Variants in FOXN3 observed in about 807,000 individuals in gnomAD.
FOXN3 encodes the protein forkhead box N3.
In FOXN3, 7 loss-of-function variants were observed where a neutral mutation model predicts 38.4. The observed-to-expected ratio is 0.18, with a 90% CI of 0.10 to 0.34. The LOEUF (loss-of-function observed/expected upper bound fraction) is 0.34, where lower values mean the gene tolerates loss of function less well. FOXN3 is among the 10% of genes least tolerant of loss of function. FOXN3 has a pLI of 1.00. For missense variants in FOXN3, 456 were observed against 613.4 expected (o/e 0.74, Z 2.71); for synonymous variants, 230 against 242.2 (o/e 0.95, Z 0.47).
At chr14:89,590,566 C>G (rs1345237772) in intron 1 of FOXN3, among the ~76,000 whole-genome samples, 1 of 152,058 alleles carries the variant, frequency 6.6e-6, no homozygotes, top group African/African-American at 2.4e-5. Context: ...CTAGTTGGGG[C>G]TCAGGAAACA....
intron 1 of FOXN3, among the ~76,000 whole-genome samples, chr14:89,590,469 T>C (rs1895927040): frequency 6.6e-6 from 1 of 152,120 alleles, no homozygotes; most frequent in Non-Finnish European, 1.5e-5. Context: ...ATCAAATGCA[T>C]TCACCCCACT....
intron 1 of FOXN3, among the ~76,000 whole-genome samples, chr14:89,509,039 A>AC (rs1418218478): frequency 6.6e-6 from 1 of 151,162 alleles, no homozygotes; most frequent in African/African-American, 2.4e-5. Context: ...CCTCCGCTCT[A>AC]CCCCCACTGA....
intron 2 of FOXN3, chr14:89,401,640 CG>C (rs1566641742): frequency 2.2e-6 from 1 of 455,960 alleles, no homozygotes; most frequent in Non-Finnish European, 4.4e-6. Context: ...ACTATAGCCA[CG>C]ATTAGAGTCA....
At chr14:89,220,439 T>C (rs535974839) in intron 4 of FOXN3, among the ~76,000 whole-genome samples, 10 of 152,300 alleles carry the variant, frequency 6.6e-5, no homozygotes, top group African/African-American at 2.4e-4. Context: ...CATCTTCAGA[T>C]CTAAATGATA....
chr14:89,510,352 G>A (rs935332874), intron 1 of FOXN3, among the ~76,000 whole-genome samples: 3 of 152,208 alleles, frequency 2.0e-5, no homozygotes, highest in African/African-American at 7.2e-5. Flanking sequence ...GAGGGATTCT[G>A]AATAAATCTT....
intron 4 of FOXN3, among the ~76,000 whole-genome samples, chr14:89,260,634 T>C (rs1202566332): frequency 3.9e-5 from 6 of 152,182 alleles, no homozygotes; most frequent in East Asian, 1.9e-4. Flanking sequence ...AGGATATGGA[T>C]TGTATTTATT....
At chr14:89,348,709 G>A (rs1316079375) in intron 3 of FOXN3, among the ~76,000 whole-genome samples, 2 of 152,098 alleles carry the variant, frequency 1.3e-5, no homozygotes, top group African/African-American at 4.8e-5. Context: ...GTGACGGAGT[G>A]GGGTCTGAAA....
chr14:89,380,164 G>A lies in FOXN3; in HGVS notation c.544-29356C>T, dbSNP rs143041559. On this transcript the variant is annotated intron_variant, in intron 2 of 5. Coordinates refer to ENST00000557258, the MANE Select transcript of FOXN3 (RefSeq NM_005197.4). Reference sequence around the variant, plus strand: ...GGAAGTAATTGAATCATAGGGGCACGTACTGTTCTGTGATAGTGAATATGT... The same window carrying A: ...GGAAGTAATTGAATCATAGGGGCACATACTGTTCTGTGATAGTGAATATGT... Among the ~76,000 whole-genome samples, 559 of 152,312 alleles carry A rather than the reference G, an allele frequency of 3.7e-3. 3 individuals carry two copies. Among genetic ancestry groups the A allele is most frequent in the African/African-American group, 0.013 (529 of 41,564 alleles).
At chr14:89,220,793 C>CTTCTTCTCAG (rs1884439055) in intron 4 of FOXN3, among the ~76,000 whole-genome samples, 2 of 152,112 alleles carry the variant, frequency 1.3e-5, no homozygotes, top group African/African-American at 4.8e-5. Flanking sequence ...CTTTGAAAGA[C>CTTCTTCTCAG]GGCCAGAAGA....
chr14:89,179,269 C>G (rs1323276956), intron 5 of FOXN3, among the ~76,000 whole-genome samples: 1 of 152,146 alleles, frequency 6.6e-6, no homozygotes, highest in African/African-American at 2.4e-5. Context: ...CTTATCAGAA[C>G]CTATAGACCT....
At position 89,158,509 on chromosome 14, in the gene FOXN3, G is replaced by T. The variant is rs1887028700; in HGVS notation, c.*3905C>A. 2 of 152,600 alleles carry T rather than the reference G, an allele frequency of 1.3e-5. No individual in the cohort carries two copies. Among genetic ancestry groups the T allele is most frequent in the South Asian group, 4.1e-4 (2 of 4,826 alleles). The allele number at this position is 152,600 out of a possible 1,614,324, so 9.5% of individuals were successfully genotyped here. Reference sequence around the variant, plus strand: ...TGGCCATGGTTTTCTCCAACCACCAGTGAAATATGGGTTTGGTTCATTTTA... The same window carrying T: ...TGGCCATGGTTTTCTCCAACCACCATTGAAATATGGGTTTGGTTCATTTTA... On this transcript the variant is annotated 3_prime_UTR_variant, in exon 6 of 6. Transcript: ENST00000557258.
At chr14:89,550,258 T>TC (rs1894975418) in intron 1 of FOXN3, among the ~76,000 whole-genome samples, 1 of 152,176 alleles carries the variant, frequency 6.6e-6, no homozygotes. Flanking sequence ...GTGGACCCCA[T>TC]CCCCTTCCAT....
chr14:89,548,869 AG>A lies in FOXN3; in HGVS notation c.-15+70158del, dbSNP rs1278960442. ...CGCGGTGGCTCACGCCTGTAATCCC[AG>A]CACTTTTGGAGGCCAAGGCAGGTGG... On this transcript the variant is annotated intron_variant, in intron 1 of 6. Coordinates refer to the FOXN3 transcript ENST00000345097. The surrounding 1 kb of genome is among the most constrained non-coding windows in gnomAD (Gnocchi z 4.8). 6.6e-6 allele frequency among the ~76,000 whole-genome samples: 1 copy of A among 152,198 alleles called. No homozygotes were observed. The highest frequency in any genetic ancestry group is 2.4e-5 in the African/African-American group (1 of 41,458).
At chr14:89,297,938 T>C (rs1291767407) in intron 3 of FOXN3, among the ~76,000 whole-genome samples, 2 of 152,176 alleles carry the variant, frequency 1.3e-5, no homozygotes, top group Non-Finnish European at 2.9e-5. Context: ...TGAGCTATAA[T>C]CATGCTACTG....
At chr14:89,348,939 G>A (rs1261744092) in intron 3 of FOXN3, among the ~76,000 whole-genome samples, 1 of 152,006 alleles carries the variant, frequency 6.6e-6, no homozygotes. Flanking sequence ...ACAAAATACT[G>A]GTCTAAAGGA....
intron 1 of FOXN3, among the ~76,000 whole-genome samples, chr14:89,424,421 C>A (rs958691043): frequency 7.2e-5 from 11 of 152,176 alleles, no homozygotes; most frequent in African/African-American, 2.7e-4. Flanking sequence ...TCTGAGCAAA[C>A]AGGAGAATTG....
At chr14:89,226,267 C>G (rs1461986894) in intron 4 of FOXN3, among the ~76,000 whole-genome samples, 1 of 151,836 alleles carries the variant, frequency 6.6e-6, no homozygotes, top group Non-Finnish European at 1.5e-5. Context: ...TACTGTCAAC[C>G]AGGCTGGGGT....
At chr14:89,189,567 C>T (rs1355329503) in intron 4 of FOXN3, among the ~76,000 whole-genome samples, 1 of 152,202 alleles carries the variant, frequency 6.6e-6, no homozygotes, top group African/African-American at 2.4e-5. Flanking sequence ...CAACAGGGTT[C>T]TAGCTGGGTA....
chr14:89,469,112 A>G (rs1184827014), intron 1 of FOXN3, among the ~76,000 whole-genome samples: 3 of 152,054 alleles, frequency 2.0e-5, no homozygotes, highest in African/African-American at 7.2e-5. Flanking sequence ...GAGGTTGAGA[A>G]CTCTTTAATT....
Sources: gnomAD v4.1 joint callset for allele counts (sites outside exome capture counted in the v4.1 genomes callset) on GRCh38, gnomAD v4.1.1 for gene constraint, Gnocchi (gnomAD v3.1) non-coding constraint, MANE v1.5 for transcripts, NCBI Gene and HGNC (gene_info 2026-07-23, HGNC 2026-07-21) for gene names.